Variants in PIK3C3 observed in about 807,000 individuals in gnomAD.
The protein encoded by PIK3C3 is phosphatidylinositol 3-kinase catalytic subunit type 3, also known as PI3-kinase type 3.
A neutral mutation model predicts 126.1 loss-of-function variants in PIK3C3; 95 were observed. The ratio of observed to expected loss-of-function variants is 0.75; its 90% CI spans 0.64 to 0.89. PIK3C3 has a LOEUF of 0.89. PIK3C3 is among the 40% of genes least tolerant of loss of function. The pLI, the probability that PIK3C3 is intolerant of heterozygous loss-of-function variation, is 0.00. For missense variants in PIK3C3, 829 were observed against 1,063.2 expected (o/e 0.78, Z 3.06); for synonymous variants, 374 against 360.0 (o/e 1.04, Z -0.44).
intron 14 of PIK3C3, among the ~76,000 whole-genome samples, chr18:42,028,586 G>T (rs1431371524): frequency 6.6e-6 from 1 of 152,064 alleles, no homozygotes; most frequent in Non-Finnish European, 1.5e-5. Context: ...TTTTGTATTC[G>T]TTCCCAAAGC....
chr18:41,964,297 C>A (rs924511564), intron 3 of PIK3C3, among the ~76,000 whole-genome samples: 4 of 152,054 alleles, frequency 2.6e-5, no homozygotes, highest in Non-Finnish European at 5.9e-5. Context: ...CTAAGAGAGG[C>A]ATTATAGTGT....
chr18:42,069,486 A>G (rs1477516193), intron 24 of PIK3C3, among the ~76,000 whole-genome samples: 1 of 152,358 alleles, frequency 6.6e-6, no homozygotes, highest in South Asian at 2.1e-4. Context: ...TGTCTTGCTC[A>G]TCACTATACT....
intron 12 of PIK3C3, 94 bp downstream of exon 12, chr18:42,015,660 C>T: frequency 2.5e-6 from 2 of 812,168 alleles, no homozygotes; most frequent in Non-Finnish European, 4.1e-6. Flanking sequence ...GATTAAATAA[C>T]TAAATATTAC....
chr18:42,012,626 C>T (rs1982881730), intron 10 of PIK3C3, among the ~76,000 whole-genome samples: 1 of 152,076 alleles, frequency 6.6e-6, no homozygotes, highest in South Asian at 2.1e-4. Flanking sequence ...GTCAAGACAA[C>T]CTTTATAGAG....
chr18:41,981,366 A>G (rs1035195619), intron 4 of PIK3C3, among the ~76,000 whole-genome samples: 1 of 152,190 alleles, frequency 6.6e-6, no homozygotes, highest in Admixed American at 6.5e-5. Flanking sequence ...AAAAATAGTA[A>G]GACACTTTTA....
At chr18:42,079,946 AGT>A (rs6146278) in intron 24 of PIK3C3, among the ~76,000 whole-genome samples, 19,065 of 136,900 alleles carry the variant, frequency 0.14, 1,224 homozygotes, top group East Asian at 0.23. Flanking sequence ...CCAACTTTTG[AGT>A]GTGTGTGTGT....
At chr18:41,987,975 A>G (rs1981580401) in intron 5 of PIK3C3, 77 bp downstream of exon 5, 2 of 838,588 alleles carry the variant, frequency 2.4e-6, no homozygotes, top group Non-Finnish European at 3.7e-6. Flanking sequence ...AAGAATTATT[A>G]TTAGGTATCT....
intron 10 of PIK3C3, among the ~76,000 whole-genome samples, chr18:42,006,644 G>A (rs1982559369): frequency 6.6e-6 from 1 of 152,002 alleles, no homozygotes; most frequent in South Asian, 2.1e-4. Context: ...GCTATATTTT[G>A]TCCTTTTTAT....
chr18:41,991,184 AT>A (rs1981758787), intron 6 of PIK3C3, among the ~76,000 whole-genome samples: 1 of 152,148 alleles, frequency 6.6e-6, no homozygotes, highest in Non-Finnish European at 1.5e-5. Context: ...AAGGTGCTTC[AT>A]TTAAGTACTA....
chr18:42,003,272 G>A (rs778998345), intron 9 of PIK3C3, among the ~76,000 whole-genome samples: 2 of 152,124 alleles, frequency 1.3e-5, no homozygotes, highest in African/African-American at 2.4e-5. Context: ...AAAGATTTTG[G>A]TTGGGCAGAG....
At chr18:41,989,165 C>T (rs1340103794) in intron 5 of PIK3C3, among the ~76,000 whole-genome samples, 1 of 151,982 alleles carries the variant, frequency 6.6e-6, no homozygotes, top group Admixed American at 6.6e-5. Context: ...TTAGTGCAGC[C>T]ACAAACTTCT....
chr18:42,060,981 G>T (rs1251664770), intron 22 of PIK3C3, among the ~76,000 whole-genome samples: 1 of 152,142 alleles, frequency 6.6e-6, no homozygotes, highest in Admixed American at 6.5e-5. Flanking sequence ...ATGGAAAATA[G>T]AATGTAGAGG....
rs78751215 is a variant in PIK3C3, at chr18:42,034,528, T to C, written c.1839+571T>C. Among the ~76,000 whole-genome samples, 1,494 of 152,344 alleles carry C rather than the reference T, an allele frequency of 9.8e-3. 15 individuals are homozygous for C. Among genetic ancestry groups the C allele is most frequent in the Middle Eastern group, 0.017 (5 of 294 alleles). On this transcript the variant is annotated intron_variant, in intron 16 of 24. Transcript: ENST00000262039. ...TAACATTTCTCAGTCTGATATCTGTTCCTGTTGAACCTTAAGTGTTTTCTT... is the reference window on the plus strand; with the variant it reads ...TAACATTTCTCAGTCTGATATCTGTCCCTGTTGAACCTTAAGTGTTTTCTT...
At chr18:42,022,609 TC>T (rs1567987449) in intron 13 of PIK3C3, among the ~76,000 whole-genome samples, 1 of 152,152 alleles carries the variant, frequency 6.6e-6, no homozygotes, top group East Asian at 1.9e-4. Flanking sequence ...TCAGTGATTT[TC>T]CCCCCTTTGG....
At chr18:42,003,224 T>TA (rs541530926) in intron 9 of PIK3C3, among the ~76,000 whole-genome samples, 135 of 152,338 alleles carry the variant, frequency 8.9e-4, no homozygotes, top group African/African-American at 3.1e-3. Flanking sequence ...GTTGTCCAAG[T>TA]AGACATTTTC....
intron 10 of PIK3C3, among the ~76,000 whole-genome samples, chr18:42,007,486 C>A (rs1982608638): frequency 6.6e-6 from 1 of 152,020 alleles, no homozygotes; most frequent in African/African-American, 2.4e-5. Flanking sequence ...AATATTGACA[C>A]CTTTATGACA....
intron 24 of PIK3C3, among the ~76,000 whole-genome samples, chr18:42,074,393 C>T (rs1007098747): frequency 1.3e-5 from 2 of 151,896 alleles, no homozygotes; most frequent in Non-Finnish European, 2.9e-5. Context: ...AATTTTGGGT[C>T]TTGATTTCAG....
chr18:42,048,068 A>T (rs1403597530), intron 20 of PIK3C3, among the ~76,000 whole-genome samples: 1 of 152,200 alleles, frequency 6.6e-6, no homozygotes. Context: ...ATCAGGCTGT[A>T]GTTTATTCTC....
chr18:42,042,045 C>G (rs183643826), intron 19 of PIK3C3, among the ~76,000 whole-genome samples: 6 of 152,176 alleles, frequency 3.9e-5, no homozygotes, highest in Admixed American at 2.0e-4. Flanking sequence ...GGGTGGTTCG[C>G]TGTGCCTAGA....
Sources: allele counts gnomAD v4.1 joint callset (sites outside exome capture counted in the v4.1 genomes callset), GRCh38; gene constraint gnomAD v4.1.1; transcripts MANE v1.5; gene names NCBI Gene and HGNC (gene_info 2026-07-23, HGNC 2026-07-21).